CPVL: variants seen among roughly 807,000 people sequenced by gnomAD.
CPVL encodes the protein carboxypeptidase vitellogenic like.
CPVL carries 51 observed loss-of-function variants against 63.7 expected under a neutral mutation model. That is an observed-to-expected ratio of 0.80 (90% confidence interval 0.64 to 1.01). The LOEUF (loss-of-function observed/expected upper bound fraction) is 1.01, where lower values mean the gene tolerates loss of function less well. CPVL is among the 50% of genes least tolerant of loss of function. The pLI, the probability that CPVL is intolerant of heterozygous loss-of-function variation, is 0.00. For missense variants in CPVL, 530 were observed against 573.1 expected (o/e 0.92, Z 0.77); for synonymous variants, 195 against 206.0 (o/e 0.95, Z 0.46).
intron 7 of CPVL, among the ~76,000 whole-genome samples, chr7:29,073,856 TTGAA>T (rs1199828866): frequency 6.6e-6 from 1 of 152,228 alleles, no homozygotes; most frequent in African/African-American, 2.4e-5. Context: ...TAAATAGTTG[TTGAA>T]TGAATGAATC....
chr7:29,096,002 G>A, intron 4 of CPVL, 101 bp downstream of exon 4: 1 of 920,764 alleles, frequency 1.1e-6, no homozygotes, highest in Non-Finnish European at 1.8e-6. Flanking sequence ...GAACGGTTAA[G>A]CTATTCATAG....
intron 11 of CPVL, among the ~76,000 whole-genome samples, chr7:29,046,571 A>ACGTG: frequency 9.7e-6 from 1 of 102,826 alleles, no homozygotes; most frequent in Non-Finnish European, 1.8e-5. Context: ...GCGCGTGCAC[A>ACGTG]CACACACACA....
At chr7:29,160,982 C>T (rs905658133) in intron 5 of CPVL, among the ~76,000 whole-genome samples, 2 of 152,168 alleles carry the variant, frequency 1.3e-5, no homozygotes, top group Non-Finnish European at 2.9e-5. Flanking sequence ...AGTCTTTCCT[C>T]TGATTGAGTT....
At chr7:29,158,353 C>A (rs1033163409) in intron 5 of CPVL, among the ~76,000 whole-genome samples, 2 of 152,162 alleles carry the variant, frequency 1.3e-5, no homozygotes, top group African/African-American at 4.8e-5. Flanking sequence ...TGCTGTAGAG[C>A]AGATTAAATC....
chr7:29,194,000 G>C (rs1452713005), intron 1 of CPVL: 1 of 152,450 alleles, frequency 6.6e-6, no homozygotes, highest in Non-Finnish European at 1.5e-5. Flanking sequence ...GGGACCGTCA[G>C]CTCCAGAGCA....
chr7:29,187,367 CAAAG>C (rs778400590), intron 1 of CPVL, among the ~76,000 whole-genome samples: 15 of 150,216 alleles, frequency 1.0e-4, no homozygotes, highest in East Asian at 5.9e-4. Context: ...GTGTGTGTGA[CAAAG>C]AGAGAGACAG....
chr7:29,161,622 C>T (rs543678068), intron 5 of CPVL, among the ~76,000 whole-genome samples: 3 of 152,214 alleles, frequency 2.0e-5, no homozygotes, highest in South Asian at 2.1e-4. Flanking sequence ...TAGGTAACCA[C>T]GATGGGTAGA....
intron 11 of CPVL, among the ~76,000 whole-genome samples, chr7:29,046,025 T>TA (rs1789572110): frequency 6.6e-6 from 1 of 151,842 alleles, no homozygotes; most frequent in East Asian, 1.9e-4. Context: ...TAATGAGCTG[T>TA]AGAATGATAA....
At chr7:29,154,489 T>C (rs1201930518) in intron 5 of CPVL, among the ~76,000 whole-genome samples, 1 of 152,202 alleles carries the variant, frequency 6.6e-6, no homozygotes, top group East Asian at 1.9e-4. Flanking sequence ...ATGACACTTC[T>C]TATACTCTAG....
At chr7:29,174,553 C>T (rs1379456645) in intron 5 of CPVL, among the ~76,000 whole-genome samples, 1 of 152,048 alleles carries the variant, frequency 6.6e-6, no homozygotes, top group Non-Finnish European at 1.5e-5. Context: ...AGAAAATACC[C>T]AACACAATGA....
chr7:29,071,380 G>A (rs1002670259), intron 9 of CPVL, among the ~76,000 whole-genome samples: 7 of 152,164 alleles, frequency 4.6e-5, no homozygotes, highest in African/African-American at 1.4e-4. Flanking sequence ...CCTGTTTGTG[G>A]ATATAAAACT....
At chr7:29,189,045 G>T (rs1187280200) in intron 1 of CPVL, among the ~76,000 whole-genome samples, 2 of 151,378 alleles carry the variant, frequency 1.3e-5, no homozygotes, top group African/African-American at 4.9e-5. Flanking sequence ...CTGCCTCCTG[G>T]GTTCAAGCAA....
chr7:29,001,428 A>G (rs1412902165), intron 12 of CPVL: 1 of 152,220 alleles, frequency 6.6e-6, no homozygotes, highest in Non-Finnish European at 1.5e-5. Context: ...CATTTACTAA[A>G]TCTTATCTTT....
At chr7:29,025,650 CAAT>C (rs746806811) in intron 12 of CPVL, among the ~76,000 whole-genome samples, 6 of 152,120 alleles carry the variant, frequency 3.9e-5, no homozygotes, top group South Asian at 2.1e-4. Context: ...AAGGAATAAA[CAAT>C]TATATTCCAT....
At chr7:29,169,742 A>G (rs1021957690) in intron 5 of CPVL, among the ~76,000 whole-genome samples, 10 of 152,008 alleles carry the variant, frequency 6.6e-5, no homozygotes, top group African/African-American at 2.4e-4. Context: ...CTCCCTTCTG[A>G]CCACTGTTTG....
chr7:29,022,983 C>T (rs755343589), intron 12 of CPVL, among the ~76,000 whole-genome samples: 2 of 152,254 alleles, frequency 1.3e-5, no homozygotes, highest in African/African-American at 2.4e-5. Context: ...ATCACCTCCA[C>T]GAGCAGTCAC....
At chr7:29,036,959 C>T (rs755394563) in intron 11 of CPVL, among the ~76,000 whole-genome samples, 28 of 152,134 alleles carry the variant, frequency 1.8e-4, no homozygotes, top group Non-Finnish European at 2.5e-4. Context: ...AAGTTCAGAT[C>T]GACCTGAGCC....
At position 29,084,065 on chromosome 7, in the gene CPVL, T is replaced by C. The variant is rs1206607849; in HGVS notation, c.609+2419A>G. Among the ~76,000 whole-genome samples the C allele has an allele frequency of 2.0e-5, 3 of 152,218 alleles. No homozygotes were observed. The East Asian group carries it at 5.8e-4, about 29-fold the overall frequency. On this transcript the variant is annotated intron_variant, in intron 7 of 12. Coordinates refer to ENST00000265394, the MANE Select transcript of CPVL (RefSeq NM_031311.5). ...CTCATAAATCACTGAATTCCTAATA[T>C]TTGTCCAGTGCCTCAAACATAGCAG...
intron 3 of CPVL, among the ~76,000 whole-genome samples, chr7:29,103,185 G>A (rs1016307203): frequency 7.6e-5 from 8 of 104,848 alleles, no homozygotes; most frequent in East Asian, 3.4e-4. Context: ...TATACTGGGG[G>A]GGGGGGGGGG....
Sources: allele counts gnomAD v4.1 joint callset (sites outside exome capture counted in the v4.1 genomes callset), GRCh38; gene constraint gnomAD v4.1.1; transcripts MANE v1.5; gene names NCBI Gene and HGNC (gene_info 2026-07-23, HGNC 2026-07-21).